APBB1IP: variants seen among roughly 807,000 people sequenced by gnomAD.
The protein encoded by APBB1IP is amyloid beta precursor protein binding family B member 1 interacting protein.
A neutral mutation model predicts 64.9 loss-of-function variants in APBB1IP; 27 were observed. The ratio of observed to expected loss-of-function variants is 0.42; its 90% CI spans 0.31 to 0.57. The LOEUF (loss-of-function observed/expected upper bound fraction) is 0.57. APBB1IP is among the 20% of genes least tolerant of loss of function. APBB1IP has a pLI of 0.20. For missense variants in APBB1IP, 812 were observed against 845.5 expected, an observed-to-expected ratio of 0.96 and a Z score of 0.49; for synonymous variants, 392 against 331.0, an observed-to-expected ratio of 1.18 and a Z score of -2.00.
intron 11 of APBB1IP, among the ~76,000 whole-genome samples, chr10:26,547,190 T>C (rs1341748995): frequency 6.6e-6 from 1 of 152,230 alleles, no homozygotes; most frequent in East Asian, 1.9e-4. Flanking sequence ...CCTGTGTATG[T>C]CTTCTGTGGT....
At chr10:26,466,613 CA>C (rs2132410521) in intron 2 of APBB1IP, among the ~76,000 whole-genome samples, 1 of 152,246 alleles carries the variant, frequency 6.6e-6, no homozygotes, top group South Asian at 2.1e-4. Context: ...CCAGCCTGCG[CA>C]ACATAGCAAG....
chr10:26,453,873 C>A (rs796903690), intron 2 of APBB1IP, among the ~76,000 whole-genome samples: 3 of 152,256 alleles, frequency 2.0e-5, no homozygotes, highest in African/African-American at 7.2e-5. Flanking sequence ...TGGGTGTATA[C>A]CCAAAAGGAA....
chr10:26,450,720 G>C (rs1835456397), intron 2 of APBB1IP, among the ~76,000 whole-genome samples: 1 of 135,584 alleles, frequency 7.4e-6, no homozygotes, highest in Non-Finnish European at 1.5e-5. Flanking sequence ...ACTGAGTACT[G>C]AGTCTCACTT....
At chr10:26,451,782 A>T (rs2132399093) in intron 2 of APBB1IP, among the ~76,000 whole-genome samples, 1 of 152,368 alleles carries the variant, frequency 6.6e-6, no homozygotes, top group African/African-American at 2.4e-5. Flanking sequence ...TTTTAAGATT[A>T]TATGCATGAA....
At chr10:26,462,430 A>C (rs1214041197) in intron 2 of APBB1IP, among the ~76,000 whole-genome samples, 2 of 152,206 alleles carry the variant, frequency 1.3e-5, no homozygotes, top group African/African-American at 4.8e-5. Context: ...TTTCAACCTT[A>C]CTAAGAGATT....
At chr10:26,508,651 T>C (rs1315513393) in intron 6 of APBB1IP, among the ~76,000 whole-genome samples, 2 of 151,732 alleles carry the variant, frequency 1.3e-5, no homozygotes, top group Non-Finnish European at 2.9e-5. Context: ...TGTGTTGGTA[T>C]AGAGCTACTC....
At chr10:26,489,951 G>A (rs775708611) in intron 2 of APBB1IP, among the ~76,000 whole-genome samples, 1 of 152,184 alleles carries the variant, frequency 6.6e-6, no homozygotes, top group Admixed American at 6.5e-5. Context: ...CTTGAACCCA[G>A]GAGGCAGAGT....
At chr10:26,532,158 C>T (rs1337073392) in intron 8 of APBB1IP, among the ~76,000 whole-genome samples, 4 of 152,086 alleles carry the variant, frequency 2.6e-5, no homozygotes, top group Admixed American at 6.5e-5. Flanking sequence ...CAGTAGGGTC[C>T]TTAATTTAGT....
At chr10:26,476,828 T>G (rs963349305) in intron 2 of APBB1IP, among the ~76,000 whole-genome samples, 1 of 152,022 alleles carries the variant, frequency 6.6e-6, no homozygotes, top group East Asian at 1.9e-4. Context: ...TAAGGCGGAG[T>G]CTTGCTCTGT....
At chr10:26,543,005 A>G (rs1564374067) in intron 11 of APBB1IP, among the ~76,000 whole-genome samples, 1 of 148,056 alleles carries the variant, frequency 6.8e-6, no homozygotes, top group South Asian at 2.2e-4. Context: ...CTTGCAGTGC[A>G]CAAGAAAACC....
chr10:26,505,944 G>T (rs529260076), intron 6 of APBB1IP, among the ~76,000 whole-genome samples: 7 of 152,018 alleles, frequency 4.6e-5, no homozygotes, highest in African/African-American at 1.7e-4. Flanking sequence ...ATGACATGGC[G>T]ACCAGTCACC....
intron 3 of APBB1IP, among the ~76,000 whole-genome samples, chr10:26,493,738 A>G (rs959328113): frequency 6.6e-5 from 10 of 152,174 alleles, no homozygotes; most frequent in African/African-American, 2.4e-4. Flanking sequence ...CAATAGAGAA[A>G]TTTACCCCCA....
In APBB1IP at chr10:26,567,538, C is replaced by G; in HGVS notation, c.*50C>G. ...AGGGAGAAGCATCGCTGACCCCGAG[C>G]GCAGGTTTTGCTAGCAGATTGCCCT... On this transcript the variant is annotated 3_prime_UTR_variant, in exon 15 of 15. Coordinates refer to ENST00000376236, the MANE Select transcript of APBB1IP (RefSeq NM_019043.4). The G allele has an allele frequency of 1.3e-6, 2 of 1,514,494 alleles. No individual in the cohort carries two copies. Among genetic ancestry groups the G allele is most frequent in the South Asian group, 2.2e-5 (2 of 89,282 alleles). 93.8% of individuals were successfully genotyped at this position (1,514,494 alleles called of 1,614,324 possible). A position where few individuals can be genotyped will look rare whatever the true frequency, so the allele number is the denominator to read the frequency against.
At chr10:26,507,130 T>C (rs1244841075) in intron 6 of APBB1IP, among the ~76,000 whole-genome samples, 1 of 151,958 alleles carries the variant, frequency 6.6e-6, no homozygotes, top group East Asian at 1.9e-4. Flanking sequence ...TTGGGTTGTA[T>C]TATAAGTGCA....
chr10:26,458,546 A>G (rs943471952), intron 2 of APBB1IP, among the ~76,000 whole-genome samples: 6 of 152,228 alleles, frequency 3.9e-5, no homozygotes, highest in Non-Finnish European at 7.3e-5. Flanking sequence ...TTTTTCTCTC[A>G]GTGTCTACAT....
intron 6 of APBB1IP, among the ~76,000 whole-genome samples, chr10:26,505,653 T>C (rs1158656767): frequency 1.3e-5 from 2 of 152,118 alleles, no homozygotes; most frequent in African/African-American, 2.4e-5. Flanking sequence ...CCTCAGCTAA[T>C]GATTTTGTTG....
chr10:26,554,131 A>G (rs1262296421), intron 11 of APBB1IP, among the ~76,000 whole-genome samples: 1 of 152,174 alleles, frequency 6.6e-6, no homozygotes, highest in Non-Finnish European at 1.5e-5. Context: ...TATCATGCAC[A>G]CTGATTTCAA....
intron 10 of APBB1IP, among the ~76,000 whole-genome samples, chr10:26,536,491 A>G (rs1385952421): frequency 1.3e-5 from 2 of 151,788 alleles, no homozygotes; most frequent in Admixed American, 6.6e-5. Context: ...TTACCCGTCT[A>G]TTTCCAATGA....
Position 26,567,404 on chromosome 10 carries a change from C to T in APBB1IP, c.1917C>T (p.His639=), listed in dbSNP as rs769239283. The T allele has an allele frequency of 1.9e-6, 3 of 1,600,030 alleles. No individual in the cohort carries two copies. The African/African-American group carries it at 4.0e-5, about 21-fold the overall frequency. Residue 639 remains histidine, a synonymous_variant, in exon 15 of 15, where the codon CAC becomes CAT. Coordinates refer to ENST00000376236, the MANE Select transcript of APBB1IP (RefSeq NM_019043.4). ...CCAAGAGGCAAGAGAACCCAGGGCA[C>T]CCCGGCGGAGCAGGAGGCGGGGAGC... is the stretch of plus-strand genomic sequence containing the variant. ...VPPKRQENPG[H]PGGAGGGEQD...
Sources: allele counts gnomAD v4.1 joint callset (sites outside exome capture counted in the v4.1 genomes callset), GRCh38; gene constraint gnomAD v4.1.1; transcripts MANE v1.5; gene names NCBI Gene and HGNC (gene_info 2026-07-23, HGNC 2026-07-21).